WDR5: variants seen among roughly 807,000 people sequenced by gnomAD.
WDR5 encodes WD repeat domain 5, also known as WD repeat-containing protein 5.
For missense variants in WDR5, 187 were observed against 416.9 expected (o/e 0.45, Z 4.80); for synonymous variants, 144 against 161.6 (o/e 0.89, Z 0.83).
At chr9:134,146,927 C>T (rs1391533687) in intron 7 of WDR5, among the ~76,000 whole-genome samples, 1 of 152,218 alleles carries the variant, frequency 6.6e-6, no homozygotes, top group African/African-American at 2.4e-5. Flanking sequence ...GAAACAGGTA[C>T]TCACCCCTCT....
At chr9:134,144,812 G>A (rs1353003881) in intron 7 of WDR5, among the ~76,000 whole-genome samples, 1 of 152,020 alleles carries the variant, frequency 6.6e-6, no homozygotes, top group African/African-American at 2.4e-5. Flanking sequence ...CTCCAGCCTG[G>A]GTGACAGAGT....
chr9:134,155,094 C>T (rs1832687937), intron 10 of WDR5, among the ~76,000 whole-genome samples: 1 of 152,226 alleles, frequency 6.6e-6, no homozygotes, highest in Non-Finnish European at 1.5e-5. Flanking sequence ...TAACACCCAT[C>T]AGCTTCCTGT....
intron 7 of WDR5, among the ~76,000 whole-genome samples, chr9:134,145,346 G>T (rs1029048267): frequency 6.6e-6 from 1 of 152,080 alleles, no homozygotes; most frequent in Non-Finnish European, 1.5e-5. Context: ...TGATCCGCCC[G>T]CCTGGTCCTC....
intron 2 of WDR5, 60 bp from the exon 3 acceptor site, chr9:134,140,643 A>G: frequency 7.0e-7 from 1 of 1,430,224 alleles, no homozygotes; most frequent in East Asian, 2.3e-5. Flanking sequence ...CAAAATCCAA[A>G]CTGGTCACGG....
At chr9:134,147,779 G>GA (rs1373160107) in intron 7 of WDR5, among the ~76,000 whole-genome samples, 1 of 152,132 alleles carries the variant, frequency 6.6e-6, no homozygotes, top group Non-Finnish European at 1.5e-5. Flanking sequence ...CAGCACTTCG[G>GA]AAGACCAAGG....
intron 10 of WDR5, 88 bp downstream of exon 10, chr9:134,154,629 G>A (rs1832668653): frequency 9.6e-6 from 14 of 1,464,020 alleles, no homozygotes; most frequent in Non-Finnish European, 1.1e-5. Context: ...TGGAGAGCGT[G>A]TTGTGGGCTT....
At chr9:134,145,096 G>GTTTTTTGTTTTTTTTTTTTTTTTTTT (rs1316019740) in intron 7 of WDR5, among the ~76,000 whole-genome samples, 1 of 104,664 alleles carries the variant, frequency 9.6e-6, no homozygotes, top group Non-Finnish European at 1.8e-5. Context: ...GTGGGGCTTT[G>GTTTTTTGTTTTTTTTTTTTTTTTTTT]TTTTTTTTTT....
In WDR5 at chr9:134,159,622, A is replaced by T. The variant is rs1832905152; in HGVS notation, c.*1629A>T. 6.6e-6 allele frequency: 1 copy of T among 152,224 alleles called. No homozygotes were observed. The highest frequency in any genetic ancestry group is 1.5e-5 in the Non-Finnish European group (1 of 68,064). 9.4% of individuals were successfully genotyped at this position (152,224 alleles called of 1,614,324 possible). A position where few individuals can be genotyped will look rare whatever the true frequency, so the allele number is the denominator to read the frequency against. ...GGTTTCCCCTGCCCCTCTGTTTCCG[A>T]TGAGGTGTACGGATGAGTGACCTGC... On this transcript the variant is annotated 3_prime_UTR_variant, in exon 14 of 14. Coordinates refer to ENST00000358625, the MANE Select transcript of WDR5 (RefSeq NM_017588.3). This position sits in a 1 kb window ranked among gnomAD's most constrained non-coding sequence, Gnocchi z 4.3.
chr9:134,144,492 G>C (rs1253799804), intron 7 of WDR5, among the ~76,000 whole-genome samples: 1 of 152,158 alleles, frequency 6.6e-6, no homozygotes, highest in Non-Finnish European at 1.5e-5. Flanking sequence ...GCGGTTGATA[G>C]GTAGGATTTT....
At chr9:134,148,683 T>G (rs1832341252) in intron 8 of WDR5, among the ~76,000 whole-genome samples, 3 of 152,098 alleles carry the variant, frequency 2.0e-5, no homozygotes, top group African/African-American at 7.2e-5. Context: ...AGGTGAAAGC[T>G]GTGCTGCTCT....
At chr9:134,145,569 G>A (rs917856766) in intron 7 of WDR5, among the ~76,000 whole-genome samples, 4 of 152,226 alleles carry the variant, frequency 2.6e-5, no homozygotes, top group South Asian at 2.1e-4. Context: ...CCGTTTGTGC[G>A]GGATGGCTTT....
At chr9:134,136,787 AC>A (rs1169726678) in intron 1 of WDR5, among the ~76,000 whole-genome samples, 9 of 152,288 alleles carry the variant, frequency 5.9e-5, no homozygotes, top group Non-Finnish European at 1.2e-4. Context: ...TTGAGCGGTT[AC>A]GTTCCCGGAC....
chr9:134,145,766 C>T (rs535095937), intron 7 of WDR5, among the ~76,000 whole-genome samples: 6 of 152,304 alleles, frequency 3.9e-5, no homozygotes, highest in South Asian at 4.1e-4. Context: ...CCATCATCCA[C>T]AGCCCTCGCG....
At position 134,142,453 on chromosome 9, in the gene WDR5, G is replaced by T. The variant is rs559116659; in HGVS notation, c.444+31G>T. ...TGTGGCTGGGGTGTCTTCCCTGGGG[G>T]AGGTGGTGTCGGATGTGGGAAGGCT... On this transcript the variant is annotated intron_variant, in intron 6 of 13. Transcript: ENST00000358625. The T allele has an allele frequency of 7.4e-6, 12 of 1,611,254 alleles. No homozygotes were observed. In the African/African-American group the frequency reaches 1.5e-4, roughly 20 times the overall value.
At chr9:134,141,837 A>T in intron 4 of WDR5, 112 bp from the exon 5 acceptor site, 1 of 1,114,182 alleles carries the variant, frequency 9.0e-7, no homozygotes, top group Non-Finnish European at 1.3e-6. Flanking sequence ...TTGTAAGGTT[A>T]ACACTAGTGA....
Position 134,157,678 on chromosome 9 carries a change from C to T in WDR5, c.905-215C>T, listed in dbSNP as rs1832810390. 6.6e-6 allele frequency among the ~76,000 whole-genome samples: 1 copy of T among 152,090 alleles called. No homozygotes were observed. The highest frequency in any genetic ancestry group is 1.5e-5 in the Non-Finnish European group (1 of 68,028). ...GTGGCCTCCTGCCCCTGTCCCCCAA[C>T]CGGCTGTGTCGCCCTGGTACCGGCT... On this transcript the variant is annotated intron_variant, in intron 13 of 13. Transcript: ENST00000358625. The surrounding 1 kb of genome is among the most constrained non-coding windows in gnomAD (Gnocchi z 5.0).
intron 7 of WDR5, among the ~76,000 whole-genome samples, chr9:134,145,096 G>GTGTTTT (rs1832107930): frequency 9.6e-6 from 1 of 104,664 alleles, no homozygotes; most frequent in East Asian, 3.3e-4. Flanking sequence ...GTGGGGCTTT[G>GTGTTTT]TTTTTTTTTT....
intron 4 of WDR5, 65 bp downstream of exon 4, chr9:134,141,648 C>G: frequency 6.5e-7 from 1 of 1,532,908 alleles, no homozygotes; most frequent in African/African-American, 1.4e-5. Context: ...ATCAAGGGGT[C>G]AGGGCTGCTT....
At chr9:134,137,661 G>T (rs1373056543) in intron 1 of WDR5, among the ~76,000 whole-genome samples, 1 of 121,248 alleles carries the variant, frequency 8.2e-6, no homozygotes, top group African/African-American at 3.0e-5. Context: ...TCTTTGGACT[G>T]TGTCTCAAAA....
Sources: gnomAD v4.1 joint callset for allele counts (sites outside exome capture counted in the v4.1 genomes callset) on GRCh38, gnomAD v4.1.1 for gene constraint, Gnocchi (gnomAD v3.1) non-coding constraint, MANE v1.5 for transcripts, NCBI Gene and HGNC (gene_info 2026-07-23, HGNC 2026-07-21) for gene names.